The following DUS4L variants were observed in gnomAD, a reference collection of about 807,000 sequenced individuals.
DUS4L encodes the protein dihydrouridine synthase 4 like, also known as tRNA-dihydrouridine(20a/20b) synthase [NAD(P)+]-like.
In DUS4L, 31 loss-of-function variants were observed where a neutral mutation model predicts 33.8. That is an observed-to-expected ratio of 0.92 (90% CI 0.69 to 1.24). DUS4L has a LOEUF of 1.24. Among genes scored for constraint, DUS4L ranks in the 50% most tolerant of loss-of-function variants. DUS4L has a pLI of 0.00. For missense variants in DUS4L, 368 were observed against 388.6 expected (o/e 0.95, Z 0.45); for synonymous variants, 103 against 120.3 (o/e 0.86, Z 0.94).
intron 2 of DUS4L, 103 bp from the exon 3 acceptor site, chr7:107,566,947 C>A: frequency 1.2e-6 from 1 of 816,766 alleles, no homozygotes; most frequent in Non-Finnish European, 1.8e-6. Context: ...TCTGAGCCCA[C>A]AAGCCTGATA....
chr7:107,577,005 A>C, intron 7 of DUS4L: 1 of 327,480 alleles, frequency 3.1e-6, no homozygotes, highest in Non-Finnish European at 5.6e-6. Flanking sequence ...GAATATAGAT[A>C]AACTGAACTT....
In DUS4L at chr7:107,576,391, G is replaced by A. The variant is rs150114022; in HGVS notation, c.505G>A (p.Val169Ile). 128 of 1,609,196 alleles carry A rather than the reference G, an allele frequency of 8.0e-5. 2 individuals are homozygous for A. The highest frequency in any genetic ancestry group is 7.4e-4 in the East Asian group (33 of 44,838). Residue 169 changes from valine (V) to isoleucine (I), a missense_variant, in exon 7 of 8, where the codon GTA (valine) becomes ATA (isoleucine). Physicochemically the swap from Val to Ile is conservative, Grantham distance 29. Coordinates refer to ENST00000265720, the MANE Select transcript of DUS4L (RefSeq NM_181581.3). ...GATCCATGATGACCTTAAAAGAACT[G>A]TAGATCTTTGTCAAAAGGCTGAAGC... is the stretch of plus-strand genomic sequence containing the variant. ...IRIHDDLKRTVDLCQKAEATG... is the reference protein window; with the variant it reads ...IRIHDDLKRTIDLCQKAEATG...
chr7:107,565,996 T>G (rs1296898462), intron 2 of DUS4L, among the ~76,000 whole-genome samples: 1 of 152,210 alleles, frequency 6.6e-6, no homozygotes, highest in African/African-American at 2.4e-5. Context: ...TATCCCCTCC[T>G]TCCTTCATAA....
At chr7:107,576,026 T>TC (rs1311977997) in intron 6 of DUS4L, among the ~76,000 whole-genome samples, 1 of 152,190 alleles carries the variant, frequency 6.6e-6, no homozygotes, top group Non-Finnish European at 1.5e-5. Flanking sequence ...TATTATATTC[T>TC]CCCACTGGGG....
chr7:107,563,990 G>T lies in DUS4L; in HGVS notation c.-330G>T, dbSNP rs1804270204. 1.6e-6 allele frequency: 2 copies of T among 1,271,538 alleles called. No homozygotes were observed. Among genetic ancestry groups the T allele is most frequent in the African/African-American group, 1.5e-5 (1 of 66,160 alleles). The allele number at this position is 1,271,538 out of a possible 1,614,324, so 78.8% of individuals were successfully genotyped here. A position where few individuals can be genotyped will look rare whatever the true frequency, so the allele number is the denominator to read the frequency against. On this transcript the variant is annotated 5_prime_UTR_variant, in exon 1 of 8. The change abolishes an upstream ATG in the 5' untranslated region. Transcript: ENST00000265720. ...GGCGCCGCCCGCCCACCCAGCCCAT[G>T]GCTCCAGGCCCACCTGGCGAACTGA... is the stretch of plus-strand genomic sequence containing the variant.
rs1805962644 is a variant in DUS4L at position 107,578,337 on chromosome 7, T to A, written c.*777T>A. 1 of 152,138 alleles carries A rather than the reference T, an allele frequency of 6.6e-6. No individual in the cohort carries two copies. Among genetic ancestry groups the A allele is most frequent in the Admixed American group, 6.6e-5 (1 of 15,266 alleles). The allele number at this position is 152,138 out of a possible 1,614,324, so 9.4% of individuals were successfully genotyped here. Reference sequence around the variant, plus strand: ...ACTTTAAAGTCCCATGGTTTTGGAGTGTTATTAATAGATTTTGTTATCGGT... The same window carrying A: ...ACTTTAAAGTCCCATGGTTTTGGAGAGTTATTAATAGATTTTGTTATCGGT... On this transcript the variant is annotated 3_prime_UTR_variant, in exon 8 of 8. Coordinates refer to ENST00000265720, the MANE Select transcript of DUS4L (RefSeq NM_181581.3).
At position 107,577,653 on chromosome 7, in the gene DUS4L, A is replaced by G; in HGVS notation, c.*93A>G. On this transcript the variant is annotated 3_prime_UTR_variant, in exon 8 of 8. Transcript: ENST00000265720. The stretch of plus-strand genomic sequence containing the variant: ...TGTACCTTAAACCAGTAGCTCTCAA[A>G]TTTTAGTATAAAAACAATTCCTGGG... 1.5e-6 allele frequency: 2 copies of G among 1,366,774 alleles called. No homozygotes were observed. Among genetic ancestry groups the G allele is most frequent in the Non-Finnish European group, 2.0e-6 (2 of 1,016,982 alleles). 84.7% of individuals were successfully genotyped at this position (1,366,774 alleles called of 1,614,324 possible). A position where few individuals can be genotyped will look rare whatever the true frequency, so the allele number is the denominator to read the frequency against.
At chr7:107,572,835 T>G in intron 4 of DUS4L, among the ~76,000 whole-genome samples, 1 of 148,184 alleles carries the variant, frequency 6.7e-6, no homozygotes, top group South Asian at 2.1e-4. Context: ...GGTGACAGAC[T>G]CTGTCTCAAA....
At chr7:107,573,970 G>T in intron 5 of DUS4L, 149 bp downstream of exon 5, 2 of 1,111,338 alleles carry the variant, frequency 1.8e-6, no homozygotes, top group South Asian at 3.1e-5. Flanking sequence ...GAAAATATAG[G>T]GAAATGTAAT....
intron 3 of DUS4L, among the ~76,000 whole-genome samples, chr7:107,568,211 T>A (rs1374256346): frequency 6.6e-6 from 1 of 152,202 alleles, no homozygotes; most frequent in East Asian, 1.9e-4. Flanking sequence ...AGATGTAGAA[T>A]TGCTGGATCA....
intron 2 of DUS4L, among the ~76,000 whole-genome samples, chr7:107,565,763 A>C (rs537206987): frequency 1.8e-3 from 272 of 152,220 alleles, no homozygotes; most frequent in African/African-American, 6.0e-3. Context: ...GGCCTTAAGC[A>C]AGCCTCCCAC....
At chr7:107,564,299 G>C (rs746607662) in intron 1 of DUS4L, 90 bp downstream of exon 1, 1 of 451,272 alleles carries the variant, frequency 2.2e-6, no homozygotes. Context: ...CAGGAGAGCA[G>C]AGCGGAGGTT....
rs1248151044 is a variant in DUS4L at position 107,564,598 on chromosome 7, G to C, written c.-100G>C. 1 of 152,536 alleles carries C rather than the reference G, an allele frequency of 6.6e-6. No homozygotes were observed. Among genetic ancestry groups the C allele is most frequent in the Admixed American group, 6.5e-5 (1 of 15,332 alleles). The allele number at this position is 152,536 out of a possible 1,614,324, so 9.4% of individuals were successfully genotyped here. ...CTACTTCTTCCTCAGTTTCAGTCAC[G>C]TGCCAGACTTTTTCTTAATTACAAA... is the stretch of plus-strand genomic sequence containing the variant. On this transcript the variant is annotated 5_prime_UTR_variant, in exon 2 of 8. Coordinates refer to ENST00000265720, the MANE Select transcript of DUS4L (RefSeq NM_181581.3).
At position 107,576,356 on chromosome 7, in the gene DUS4L, G is replaced by A; in HGVS notation, c.480-10G>A. 6.3e-7 allele frequency: 1 copy of A among 1,599,710 alleles called. No individual in the cohort carries two copies. The highest frequency in any genetic ancestry group is 1.1e-5 in the South Asian group (1 of 87,446). On this transcript the variant is annotated splice_polypyrimidine_tract_variant and intron_variant, in intron 6 of 7. Coordinates refer to ENST00000265720, the MANE Select transcript of DUS4L (RefSeq NM_181581.3). ...GCTGTGAACAGATAAATGTAATTTTGAAATTGTAGGATCCATGATGACCTT... is the reference window on the plus strand; with the variant it reads ...GCTGTGAACAGATAAATGTAATTTTAAAATTGTAGGATCCATGATGACCTT...
intron 4 of DUS4L, among the ~76,000 whole-genome samples, chr7:107,572,747 G>A (rs1805366678): frequency 6.6e-6 from 1 of 151,842 alleles, no homozygotes; most frequent in East Asian, 1.9e-4. Context: ...CTACTTGGGA[G>A]ACTGAGCCGG....
At chr7:107,572,909 G>T (rs115473221) in intron 4 of DUS4L, among the ~76,000 whole-genome samples, 2,302 of 151,416 alleles carry the variant, frequency 0.015, 64 homozygotes, top group African/African-American at 0.051. Context: ...AAAAACTGAG[G>T]AGAATATTTA....
intron 3 of DUS4L, among the ~76,000 whole-genome samples, chr7:107,567,478 A>G (rs2129188904): frequency 6.6e-6 from 1 of 152,266 alleles, no homozygotes. Context: ...TGATGTATAG[A>G]TTTTTATGTG....
intron 6 of DUS4L, 137 bp downstream of exon 6, chr7:107,575,447 G>T: frequency 1.1e-6 from 1 of 938,428 alleles, no homozygotes; most frequent in South Asian, 2.0e-5. Flanking sequence ...TTGAAAATAA[G>T]ACATTTAGTA....
In DUS4L at chr7:107,573,748, C is replaced by A; in HGVS notation, c.283C>A (p.Leu95Ile). ...TCAGTTTGCTGCTAACGATGCAAGA[C>A]TTTTATCTGATGCTGCTCGTATAGT... ...IVQFAANDAR[L>I]LSDAARIVCP... Residue 95 changes from leucine to isoleucine, a missense_variant, in exon 5 of 8, where the codon CTT (leucine) becomes ATT (isoleucine). Leu to Ile is a conservative substitution (Grantham distance 5, BLOSUM62 2). Coordinates refer to ENST00000265720, the MANE Select transcript of DUS4L (RefSeq NM_181581.3). The A allele has an allele frequency of 6.2e-7, 1 of 1,611,252 alleles. No individual in the cohort carries two copies. Among genetic ancestry groups the A allele is most frequent in the Non-Finnish European group, 8.5e-7 (1 of 1,178,858 alleles).
Sources: allele counts gnomAD v4.1 joint callset (sites outside exome capture counted in the v4.1 genomes callset), GRCh38; gene constraint gnomAD v4.1.1; transcripts MANE v1.5; gene names NCBI Gene and HGNC (gene_info 2026-07-23, HGNC 2026-07-21).